The following RANBP2 variants were observed in gnomAD, a reference collection of about 807,000 sequenced individuals.
RANBP2 encodes the protein E3 SUMO-protein ligase RanBP2.
RANBP2 carries 57 observed loss-of-function variants against 303.6 expected under a neutral mutation model. That is an observed-to-expected ratio of 0.19 (90% confidence interval 0.15 to 0.23). The LOEUF is 0.23. Ranked by LOEUF, RANBP2 falls within the 10% of genes least tolerant of loss-of-function variation. The probability of loss-of-function intolerance (pLI) is 1.00; values close to 1 mark genes in which losing one functional copy is unlikely to be tolerated. For synonymous variants in RANBP2, 1,167 were observed against 1,301.5 expected, an observed-to-expected ratio of 0.90 and a Z score of 2.23; for missense variants, 3,138 against 3,780.8, an observed-to-expected ratio of 0.83 and a Z score of 4.46.
the RANBP2 span, among the ~76,000 whole-genome samples, chr2:108,995,245 C>G: frequency 6.6e-6 from 1 of 152,252 alleles, no homozygotes; most frequent in South Asian, 2.1e-4. Context: ...ACTGCAGCCT[C>G]AAACTCCTAT....
Position 108,747,725 on chromosome 2 carries a change from A to C in RANBP2, c.1063+927A>C, listed in dbSNP as rs545431087. Among the ~76,000 whole-genome samples, 6 of 152,296 alleles carry C rather than the reference A, an allele frequency of 3.9e-5. No homozygotes were observed. In the South Asian group the frequency reaches 1.2e-3, roughly 32 times the overall value. On this transcript the variant is annotated intron_variant, in intron 8 of 28. Coordinates refer to ENST00000283195, the MANE Select transcript of RANBP2 (RefSeq NM_006267.5). Reference sequence around the variant, plus strand: ...TGCCTCTGTAAGTGTGCTGAGACACAACTGTGTAGTGGTAACCAAACCTAA... The same window carrying C: ...TGCCTCTGTAAGTGTGCTGAGACACCACTGTGTAGTGGTAACCAAACCTAA...
chr2:109,363,702 G>T, the RANBP2 span, among the ~76,000 whole-genome samples: 2 of 152,108 alleles, frequency 1.3e-5, no homozygotes, highest in Non-Finnish European at 2.9e-5. Flanking sequence ...CTTTATTCAT[G>T]CTTCACTTTT....
At chr2:109,353,210 G>A in the RANBP2 span, among the ~76,000 whole-genome samples, 4 of 152,214 alleles carry the variant, frequency 2.6e-5, no homozygotes, top group African/African-American at 9.6e-5. Context: ...CTGGCCCCCG[G>A]CTCATTGCCT....
chr2:109,629,063 C>T, the RANBP2 span, among the ~76,000 whole-genome samples: 1 of 151,428 alleles, frequency 6.6e-6, no homozygotes, highest in African/African-American at 2.4e-5. Context: ...TTTGCTGGGC[C>T]TGGTGGTGGA....
the RANBP2 span, chr2:108,930,061 C>A: frequency 6.4e-7 from 1 of 1,566,034 alleles, no homozygotes; most frequent in Non-Finnish European, 8.7e-7. Context: ...GGCAACAATG[C>A]CACAAGCAGG....
chr2:109,399,023 TC>T, the RANBP2 span: 1 of 1,412,618 alleles, frequency 7.1e-7, no homozygotes, highest in South Asian at 1.4e-5. Flanking sequence ...TGTCCCCCGT[TC>T]CTCAACTAGC....
the RANBP2 span, among the ~76,000 whole-genome samples, chr2:109,253,185 G>T: frequency 2.0e-5 from 3 of 152,090 alleles, no homozygotes; most frequent in East Asian, 1.9e-4. Flanking sequence ...GTGCCACCAT[G>T]CCTGGCTAGT....
chr2:109,172,531 G>A, the RANBP2 span, among the ~76,000 whole-genome samples: 1 of 152,102 alleles, frequency 6.6e-6, no homozygotes, highest in Non-Finnish European at 1.5e-5. Context: ...ACCTCCCTCC[G>A]CTTGTCCCGT....
chr2:109,153,300 AT>A, the RANBP2 span, among the ~76,000 whole-genome samples: 1 of 152,202 alleles, frequency 6.6e-6, no homozygotes. Context: ...CTGGAAACCC[AT>A]TTCTGAGAAG....
the RANBP2 span, chr2:109,618,360 TTA>T: frequency 6.0e-6 from 1 of 167,086 alleles, no homozygotes; most frequent in African/African-American, 2.4e-5. Flanking sequence ...ACAGTCAGTA[TTA>T]TCTCTTAAAT....
At chr2:109,481,935 A>C in the RANBP2 span, among the ~76,000 whole-genome samples, 19 of 152,320 alleles carry the variant, frequency 1.2e-4, 1 homozygote, top group East Asian at 3.3e-3. Flanking sequence ...TTGTATGTGA[A>C]TGCCTCTGTG....
the RANBP2 span, among the ~76,000 whole-genome samples, chr2:109,157,046 T>G: frequency 6.6e-6 from 1 of 152,216 alleles, no homozygotes; most frequent in Non-Finnish European, 1.5e-5. Context: ...ATTTGCATCA[T>G]CTGACTGTGG....
the RANBP2 span, among the ~76,000 whole-genome samples, chr2:109,642,917 G>T: frequency 3.3e-5 from 5 of 152,116 alleles, no homozygotes; most frequent in African/African-American, 4.8e-5. Context: ...GCTCACGCCT[G>T]TAATCCCAAC....
the RANBP2 span, among the ~76,000 whole-genome samples, chr2:109,350,044 G>A: frequency 3.9e-5 from 6 of 152,366 alleles, no homozygotes; most frequent in Admixed American, 3.3e-4. Flanking sequence ...CTCACGAGCT[G>A]CATCGGATCA....
chr2:108,831,230 A>C, the RANBP2 span, among the ~76,000 whole-genome samples: 2 of 152,172 alleles, frequency 1.3e-5, no homozygotes, highest in Non-Finnish European at 2.9e-5. Flanking sequence ...GTAAGAAAGC[A>C]AAAGGCAATG....
the RANBP2 span, among the ~76,000 whole-genome samples, chr2:109,041,084 A>G: frequency 1.3e-5 from 2 of 152,134 alleles, no homozygotes; most frequent in African/African-American, 2.4e-5. Context: ...ATAAAAAAAG[A>G]TATACTTTTA....
the RANBP2 span, among the ~76,000 whole-genome samples, chr2:109,117,049 G>A: frequency 6.6e-6 from 1 of 152,210 alleles, no homozygotes; most frequent in Non-Finnish European, 1.5e-5. Flanking sequence ...CTACTGGGGG[G>A]TCCCTCCCAG....
chr2:108,898,175 G>A, the RANBP2 span, among the ~76,000 whole-genome samples: 2 of 152,298 alleles, frequency 1.3e-5, no homozygotes, highest in Admixed American at 1.3e-4. Flanking sequence ...ATCCAGGGTA[G>A]CAAAGGCTGA....
intron 17 of RANBP2, among the ~76,000 whole-genome samples, chr2:108,758,130 C>T (rs1229720982): frequency 6.6e-6 from 1 of 151,928 alleles, no homozygotes; most frequent in Non-Finnish European, 1.5e-5. Flanking sequence ...AACCCCATCT[C>T]TACTATTACA....
Sources: gnomAD v4.1 joint callset for allele counts (sites outside exome capture counted in the v4.1 genomes callset) on GRCh38, gnomAD v4.1.1 for gene constraint, MANE v1.5 for transcripts, NCBI Gene and HGNC (gene_info 2026-07-23, HGNC 2026-07-21) for gene names.